GALNT13: variants seen among roughly 807,000 people sequenced by gnomAD.
GALNT13 encodes the protein UDP-GalNAc:polypeptide N-acetylgalactosaminyltransferase 13.
A neutral mutation model predicts 64.2 loss-of-function variants in GALNT13; 28 were observed. The ratio of observed to expected loss-of-function variants is 0.44; its 90% CI spans 0.32 to 0.60. The LOEUF (loss-of-function observed/expected upper bound fraction) is 0.60, where lower values mean the gene tolerates loss of function less well. Ranked by LOEUF, GALNT13 falls within the 20% of genes least tolerant of loss-of-function variation. The probability of loss-of-function intolerance (pLI) is 0.05; values close to 1 mark genes in which losing one functional copy is unlikely to be tolerated. For synonymous variants in GALNT13, 214 were observed against 224.6 expected (o/e 0.95, Z 0.42); for missense variants, 577 against 669.8 (o/e 0.86, Z 1.53).
Position 154,240,288 on chromosome 2 carries a change from T to G in GALNT13, c.312-1742T>G, listed in dbSNP as rs145747674. 1.2e-3 allele frequency among the ~76,000 whole-genome samples: 186 copies of G among 152,244 alleles called. 1 individual carries two copies. Among genetic ancestry groups the G allele is most frequent in the African/African-American group, 3.6e-3 (150 of 41,536 alleles). On this transcript the variant is annotated intron_variant, in intron 4 of 12. Coordinates refer to ENST00000392825, the MANE Select transcript of GALNT13 (RefSeq NM_052917.4). The stretch of plus-strand genomic sequence containing the variant: ...TTGATTGATTGCTTGAAAAGAAAAA[T>G]CTGGACTTATTTGGATTTATAAGCA...
At chr2:154,070,326 A>T (rs1257997427) in intron 3 of GALNT13, among the ~76,000 whole-genome samples, 1 of 152,196 alleles carries the variant, frequency 6.6e-6, no homozygotes, top group Non-Finnish European at 1.5e-5. Flanking sequence ...AAATTTCTAT[A>T]GTTCCACATA....
the GALNT13 span, among the ~76,000 whole-genome samples, chr2:153,552,575 CTTTTTTTTTTT>C: frequency 0.028 from 1,920 of 69,472 alleles, 75 homozygotes; most frequent in African/African-American, 0.093. Context: ...GCTTCTTCTT[CTTTTTTTTTTT>C]TTTTTTTTTT....
chr2:153,146,419 G>T, the GALNT13 span, among the ~76,000 whole-genome samples: 1 of 151,848 alleles, frequency 6.6e-6, no homozygotes, highest in African/African-American at 2.4e-5. Context: ...CTGGGTTGGA[G>T]AAAACCTTGT....
chr2:153,431,980 T>G, the GALNT13 span, among the ~76,000 whole-genome samples: 9 of 152,214 alleles, frequency 5.9e-5, no homozygotes, highest in African/African-American at 2.2e-4. Context: ...CAAGAACATT[T>G]TAAACTTCCA....
At chr2:154,356,490 G>A (rs989856938) in intron 9 of GALNT13, among the ~76,000 whole-genome samples, 1 of 151,530 alleles carries the variant, frequency 6.6e-6, no homozygotes, top group African/African-American at 2.4e-5. Flanking sequence ...ATTGTATAGG[G>A]TGGATGTCAC....
At chr2:153,377,384 C>T in the GALNT13 span, among the ~76,000 whole-genome samples, 7 of 151,968 alleles carry the variant, frequency 4.6e-5, no homozygotes, top group Non-Finnish European at 8.8e-5. Context: ...AATTTAATTC[C>T]CAGTGTGGTG....
At chr2:153,155,479 A>G in the GALNT13 span, among the ~76,000 whole-genome samples, 5 of 151,944 alleles carry the variant, frequency 3.3e-5, no homozygotes, top group African/African-American at 9.7e-5. Context: ...GAATTTATCT[A>G]TTTCTTCCAG....
At chr2:153,611,332 G>T in the GALNT13 span, among the ~76,000 whole-genome samples, 1 of 152,086 alleles carries the variant, frequency 6.6e-6, no homozygotes, top group Non-Finnish European at 1.5e-5. Context: ...ACTGAGTAAA[G>T]CTCCAGGCCC....
intron 8 of GALNT13, among the ~76,000 whole-genome samples, chr2:154,265,700 A>C (rs1559056722): frequency 1.3e-5 from 2 of 152,182 alleles, no homozygotes; most frequent in African/African-American, 4.8e-5. Context: ...ACTCTGTCTC[A>C]AAACAAACAA....
At chr2:153,602,749 A>C in the GALNT13 span, among the ~76,000 whole-genome samples, 2 of 151,836 alleles carry the variant, frequency 1.3e-5, no homozygotes, top group African/African-American at 4.8e-5. Flanking sequence ...GTATTGGTCC[A>C]TCATAGGAGT....
chr2:153,549,583 T>G, the GALNT13 span, among the ~76,000 whole-genome samples: 1 of 152,228 alleles, frequency 6.6e-6, no homozygotes, highest in African/African-American at 2.4e-5. Flanking sequence ...TGATCAAGCA[T>G]GGTAAGAGGG....
intron 3 of GALNT13, among the ~76,000 whole-genome samples, chr2:154,021,315 G>A (rs1334871930): frequency 6.6e-6 from 1 of 152,156 alleles, no homozygotes; most frequent in East Asian, 1.9e-4. Flanking sequence ...TCACAGTATT[G>A]ATTCTTCCTA....
the GALNT13 span, among the ~76,000 whole-genome samples, chr2:153,531,311 G>A: frequency 2.0e-5 from 3 of 152,214 alleles, no homozygotes; most frequent in East Asian, 1.9e-4. Flanking sequence ...GGTAGAATGT[G>A]AAGGGGAAGC....
the GALNT13 span, among the ~76,000 whole-genome samples, chr2:153,124,295 G>C: frequency 2.0e-5 from 3 of 152,180 alleles, no homozygotes; most frequent in Non-Finnish European, 4.4e-5. Flanking sequence ...CAGAGAACTC[G>C]AGCTGTGTGT....
the GALNT13 span, among the ~76,000 whole-genome samples, chr2:153,535,203 C>T: frequency 7.9e-5 from 12 of 151,924 alleles, 1 homozygote; most frequent in South Asian, 1.7e-3. Flanking sequence ...GGTGACGGCC[C>T]GGATACGGTT....
chr2:153,872,855 G>T (rs1574013017), intron 1 of GALNT13, among the ~76,000 whole-genome samples: 1 of 152,194 alleles, frequency 6.6e-6, no homozygotes, highest in Non-Finnish European at 1.5e-5. Context: ...GAGTCCTCTT[G>T]CCTCTCATTC....
At chr2:153,522,142 G>A in the GALNT13 span, among the ~76,000 whole-genome samples, 2 of 152,160 alleles carry the variant, frequency 1.3e-5, no homozygotes, top group South Asian at 2.1e-4. Context: ...AGACCAGCCT[G>A]GCCAACATGG....
the GALNT13 span, among the ~76,000 whole-genome samples, chr2:153,720,355 T>A: frequency 6.7e-6 from 1 of 149,280 alleles, no homozygotes; most frequent in East Asian, 2.0e-4. Flanking sequence ...ACCACAAAGA[T>A]GGGGAAAAAA....
chr2:153,921,096 G>A (rs531393692), intron 2 of GALNT13, among the ~76,000 whole-genome samples: 3 of 152,178 alleles, frequency 2.0e-5, no homozygotes, highest in Admixed American at 6.5e-5. Flanking sequence ...AACAGAATTA[G>A]CATTCAACCC....
Sources: allele counts gnomAD v4.1 joint callset (sites outside exome capture counted in the v4.1 genomes callset), GRCh38; gene constraint gnomAD v4.1.1; transcripts MANE v1.5; gene names NCBI Gene and HGNC (gene_info 2026-07-23, HGNC 2026-07-21).